Variants in IPCEF1 observed in about 807,000 individuals in gnomAD.
IPCEF1 encodes the protein interaction protein for cytohesin exchange factors 1, also known as interactor protein for cytohesin exchange factors 1.
A neutral mutation model predicts 50.9 loss-of-function variants in IPCEF1; 31 were observed. The observed-to-expected ratio is 0.61, with a 90% CI of 0.46 to 0.82. IPCEF1 has a LOEUF of 0.82. Ranked by LOEUF, IPCEF1 falls within the 40% of genes least tolerant of loss-of-function variation. IPCEF1 has a pLI of 0.00. For missense variants in IPCEF1, 458 were observed against 514.0 expected, an observed-to-expected ratio of 0.89 and a Z score of 1.05; for synonymous variants, 181 against 192.0, an observed-to-expected ratio of 0.94 and a Z score of 0.47.
At chr6:154,227,800 A>G (rs1779377226) in intron 5 of IPCEF1, among the ~76,000 whole-genome samples, 1 of 152,210 alleles carries the variant, frequency 6.6e-6, no homozygotes, top group Non-Finnish European at 1.5e-5. Flanking sequence ...CCTTTTCTGC[A>G]TAAGTGAAAC....
At chr6:154,291,680 GTTTTTT>G (rs34064925) in intron 1 of IPCEF1, among the ~76,000 whole-genome samples, 2 of 104,508 alleles carry the variant, frequency 1.9e-5, no homozygotes, top group African/African-American at 7.8e-5. Flanking sequence ...CTCAGGAAAG[GTTTTTT>G]TTTTTTTTTT....
chr6:154,295,285 G>A (rs10872705), intron 1 of IPCEF1, among the ~76,000 whole-genome samples: 98,587 of 152,138 alleles, frequency 0.65, 33,286 homozygotes, highest in East Asian at 0.86. Flanking sequence ...CATGCATTAA[G>A]TATTCATTTT....
At chr6:154,209,206 G>A (rs182514152) in intron 9 of IPCEF1, among the ~76,000 whole-genome samples, 60 of 152,114 alleles carry the variant, frequency 3.9e-4, no homozygotes, top group Middle Eastern at 3.4e-3. Flanking sequence ...ATACTGTTGA[G>A]TTCATTATCA....
intron 2 of IPCEF1, among the ~76,000 whole-genome samples, chr6:154,282,642 G>C (rs1782252235): frequency 6.6e-6 from 1 of 152,066 alleles, no homozygotes; most frequent in Non-Finnish European, 1.5e-5. Context: ...AGCCGAGATA[G>C]CACCACTGCA....
chr6:154,282,846 G>A (rs1012834971), intron 2 of IPCEF1, among the ~76,000 whole-genome samples: 5 of 152,148 alleles, frequency 3.3e-5, no homozygotes, highest in Non-Finnish European at 4.4e-5. Flanking sequence ...AGCCATGAAC[G>A]CTCTGCAAAC....
intron 2 of IPCEF1, among the ~76,000 whole-genome samples, chr6:154,271,844 G>C (rs547819170): frequency 2.1e-4 from 32 of 152,248 alleles, no homozygotes; most frequent in African/African-American, 7.5e-4. Flanking sequence ...AAAATTAGCA[G>C]GGTATGGTGA....
intron 2 of IPCEF1, among the ~76,000 whole-genome samples, chr6:154,276,283 GAA>G (rs57707458): frequency 1.7e-4 from 22 of 132,714 alleles, no homozygotes; most frequent in African/African-American, 4.6e-4. Context: ...AAAAAGAAAA[GAA>G]AAAAAAAGAA....
chr6:154,328,786 C>T (rs917384092), intron 1 of IPCEF1, among the ~76,000 whole-genome samples: 1 of 152,088 alleles, frequency 6.6e-6, no homozygotes, highest in Non-Finnish European at 1.5e-5. Flanking sequence ...GTCAATGGTT[C>T]CTATTCTACT....
At chr6:154,261,416 T>C (rs1781598515) in intron 3 of IPCEF1, among the ~76,000 whole-genome samples, 1 of 152,064 alleles carries the variant, frequency 6.6e-6, no homozygotes, top group African/African-American at 2.4e-5. Flanking sequence ...TTAAGAAAAA[T>C]TCACTCTCGT....
intron 1 of IPCEF1, among the ~76,000 whole-genome samples, chr6:154,353,878 A>G (rs1281504770): frequency 1.3e-5 from 2 of 152,206 alleles, no homozygotes; most frequent in Admixed American, 1.3e-4. Context: ...ACATTTCTTT[A>G]TATACCACCA....
intron 1 of IPCEF1, among the ~76,000 whole-genome samples, chr6:154,291,680 G>GTTTTT (rs34064925): frequency 3.5e-4 from 37 of 104,468 alleles, no homozygotes; most frequent in African/African-American, 5.1e-4. Flanking sequence ...CTCAGGAAAG[G>GTTTTT]TTTTTTTTTT....
intron 1 of IPCEF1, among the ~76,000 whole-genome samples, chr6:154,307,971 G>C (rs1463638864): frequency 6.6e-6 from 1 of 152,164 alleles, no homozygotes; most frequent in East Asian, 1.9e-4. Context: ...TCTCACCACT[G>C]AAAAGAAGAA....
chr6:154,301,118 T>G (rs935687524), intron 1 of IPCEF1, among the ~76,000 whole-genome samples: 1 of 152,214 alleles, frequency 6.6e-6, no homozygotes, highest in African/African-American at 2.4e-5. Flanking sequence ...TATGCTGTAT[T>G]TAAATTTTAG....
At chr6:154,200,237 T>C (rs986391447) in intron 9 of IPCEF1, among the ~76,000 whole-genome samples, 197 bp from the exon 10 acceptor site, 1 of 152,226 alleles carries the variant, frequency 6.6e-6, no homozygotes, top group Non-Finnish European at 1.5e-5. Context: ...AACTGATTTA[T>C]GTAACTTTAA....
chr6:154,234,486 C>T (rs2128629953), intron 5 of IPCEF1, among the ~76,000 whole-genome samples: 1 of 152,350 alleles, frequency 6.6e-6, no homozygotes, highest in African/African-American at 2.4e-5. Context: ...AACCAGGATG[C>T]TATTCCCCTT....
intron 1 of IPCEF1, among the ~76,000 whole-genome samples, chr6:154,302,726 C>A (rs1019753669): frequency 1.3e-5 from 2 of 152,056 alleles, no homozygotes; most frequent in African/African-American, 2.4e-5. Context: ...CCCCCAGCCT[C>A]GGCCTCCCAA....
chr6:154,319,944 G>A (rs903280377), intron 1 of IPCEF1, among the ~76,000 whole-genome samples: 3 of 152,024 alleles, frequency 2.0e-5, no homozygotes, highest in Admixed American at 6.6e-5. Context: ...CTAACTCTCC[G>A]CCATCTAGTT....
In IPCEF1 at chr6:154,220,816, T is replaced by G. The variant is rs943059551; in HGVS notation, c.392+441A>C. 7.9e-5 allele frequency among the ~76,000 whole-genome samples: 12 copies of G among 152,344 alleles called. No homozygotes were observed. In the South Asian group the frequency reaches 2.1e-3, roughly 26 times the overall value. On this transcript the variant is annotated intron_variant, in intron 7 of 11. Transcript: ENST00000367220. ...TTGATGTACTCCGAGCAAAGGCGTT[T>G]TGCAATATGTTCAGGACAATACATG...
At chr6:154,333,591 C>T (rs1053304910) in intron 1 of IPCEF1, among the ~76,000 whole-genome samples, 1 of 150,296 alleles carries the variant, frequency 6.7e-6, no homozygotes, top group Non-Finnish European at 1.5e-5. Flanking sequence ...CATATATATA[C>T]ACATATATAT....
Sources: gnomAD v4.1 joint callset for allele counts (sites outside exome capture counted in the v4.1 genomes callset) on GRCh38, gnomAD v4.1.1 for gene constraint, MANE v1.5 for transcripts, NCBI Gene and HGNC (gene_info 2026-07-23, HGNC 2026-07-21) for gene names.